The following HMGA2 variants were observed in gnomAD, a reference collection of about 807,000 sequenced individuals.
HMGA2 encodes high mobility group protein HMGI-C.
Under a neutral mutation model 19.1 loss-of-function variants are expected in HMGA2, and 8 were observed. That is an observed-to-expected ratio of 0.42 (90% CI 0.25 to 0.76). The LOEUF (loss-of-function observed/expected upper bound fraction) is 0.76. HMGA2 is among the 30% of genes least tolerant of loss of function. The pLI, the probability that HMGA2 is intolerant of heterozygous loss-of-function variation, is 0.28. For missense variants in HMGA2, 109 were observed against 136.3 expected (o/e 0.80, Z 1.00); for synonymous variants, 60 against 48.8 (o/e 1.23, Z -0.96).
At chr12:65,952,072 G>A (rs1395853125) in intron 4 of HMGA2, 3 of 316,112 alleles carry the variant, frequency 9.5e-6, no homozygotes, top group Non-Finnish European at 1.7e-5. Flanking sequence ...TATTTATTGA[G>A]GAAGCATATC....
At chr12:65,845,881 A>G (rs1871214765) in intron 3 of HMGA2, among the ~76,000 whole-genome samples, 2 of 152,188 alleles carry the variant, frequency 1.3e-5, no homozygotes, top group African/African-American at 4.8e-5. Flanking sequence ...CCAGGGACTG[A>G]TTATTGAGTT....
At chr12:65,852,908 G>A (rs1871547448) in intron 3 of HMGA2, among the ~76,000 whole-genome samples, 1 of 152,194 alleles carries the variant, frequency 6.6e-6, no homozygotes, top group African/African-American at 2.4e-5. Context: ...GAGGATTTTA[G>A]AATTCGTCTC....
chr12:65,918,001 T>A (rs1875170899), intron 3 of HMGA2, among the ~76,000 whole-genome samples: 1 of 152,196 alleles, frequency 6.6e-6, no homozygotes, highest in Admixed American at 6.5e-5. Context: ...TTTTGATAAG[T>A]CAAACTAAAA....
intron 3 of HMGA2, among the ~76,000 whole-genome samples, chr12:65,908,720 C>G (rs1874711754): frequency 6.6e-6 from 1 of 152,140 alleles, no homozygotes; most frequent in African/African-American, 2.4e-5. Flanking sequence ...TGTTTTTAAC[C>G]ATTGTAATTT....
chr12:65,904,155 T>C (rs1874487500), intron 3 of HMGA2, among the ~76,000 whole-genome samples: 1 of 152,228 alleles, frequency 6.6e-6, no homozygotes, highest in South Asian at 2.1e-4. Context: ...GCCAGGGACG[T>C]CTGACAGATC....
At chr12:65,898,092 T>C (rs1874211313) in intron 3 of HMGA2, among the ~76,000 whole-genome samples, 1 of 152,222 alleles carries the variant, frequency 6.6e-6, no homozygotes, top group Non-Finnish European at 1.5e-5. Context: ...TAAGTGTATG[T>C]ATTTTAATAT....
chr12:65,922,040 C>T (rs754076167), intron 3 of HMGA2, among the ~76,000 whole-genome samples: 5 of 152,182 alleles, frequency 3.3e-5, no homozygotes, highest in Non-Finnish European at 7.3e-5. Context: ...ACCTGGATGC[C>T]CAGGCAGAAG....
chr12:65,959,718 G>A (rs1011377841), intron 4 of HMGA2, among the ~76,000 whole-genome samples: 1 of 152,166 alleles, frequency 6.6e-6, no homozygotes. Context: ...CTAATGAGAT[G>A]TGTGCAACTC....
At chr12:65,907,727 TTTTC>T (rs1188851368) in intron 3 of HMGA2, among the ~76,000 whole-genome samples, 4 of 152,156 alleles carry the variant, frequency 2.6e-5, no homozygotes, top group Admixed American at 2.0e-4. Context: ...AGTGCTTAAT[TTTTC>T]AAGTAAGGAT....
At position 65,825,261 on chromosome 12, in the gene HMGA2, G is replaced by A. The variant is rs1433135489; in HGVS notation, c.-10G>A. 6.6e-7 allele frequency: 1 copy of A among 1,526,126 alleles called. No homozygotes were observed. Among genetic ancestry groups the A allele is most frequent in the Non-Finnish European group, 8.8e-7 (1 of 1,141,498 alleles). The allele number at this position is 1,526,126 out of a possible 1,614,324, so 94.5% of individuals were successfully genotyped here. ...CGGCTGCAGCGGCGGTAGCGGCGGC[G>A]GGAGGCAGGATGAGCGCACGCGGTG... On this transcript the variant is annotated 5_prime_UTR_variant, in exon 1 of 5. Coordinates refer to ENST00000403681, the MANE Select transcript of HMGA2 (RefSeq NM_003483.6). The surrounding 1 kb of genome is among the most constrained non-coding windows in gnomAD (Gnocchi z 4.4).
At position 65,948,061 on chromosome 12, in the gene HMGA2, G is replaced by A. The variant is rs563546690; in HGVS notation, c.250-3322G>A. 1.4e-4 allele frequency among the ~76,000 whole-genome samples: 22 copies of A among 152,080 alleles called. 1 individual carries two copies. Among genetic ancestry groups the A allele is most frequent in the Admixed American group, 1.3e-3 (20 of 15,280 alleles). ...AGGGATTAAGAGAATCAGTAGACTC[G>A]GGTTGTTTTGGTTTTAGAAAAAGAT... On this transcript the variant is annotated intron_variant, in intron 3 of 4. Transcript: ENST00000403681.
intron 3 of HMGA2, among the ~76,000 whole-genome samples, chr12:65,852,009 A>G (rs1185236505): frequency 6.6e-6 from 1 of 152,120 alleles, no homozygotes; most frequent in Non-Finnish European, 1.5e-5. Flanking sequence ...ATAAGAAAGT[A>G]ATTTGTACTT....
intron 3 of HMGA2, among the ~76,000 whole-genome samples, chr12:65,927,820 T>C (rs997151644): frequency 4.4e-5 from 6 of 137,164 alleles, no homozygotes; most frequent in African/African-American, 1.1e-4. Flanking sequence ...TGTCTCTCTC[T>C]CTCTTTGTAT....
At chr12:65,962,820 G>A (rs1177875509) in intron 4 of HMGA2, among the ~76,000 whole-genome samples, 2 of 152,048 alleles carry the variant, frequency 1.3e-5, no homozygotes, top group Non-Finnish European at 2.9e-5. Context: ...TCTGGAGGGT[G>A]GGTTCATTTA....
chr12:65,856,980 G>C (rs1871777818), intron 3 of HMGA2: 1 of 152,122 alleles, frequency 6.6e-6, no homozygotes, highest in African/African-American at 2.4e-5. Context: ...GGTGGGTTAG[G>C]GCTTCACTAT....
intron 2 of HMGA2, among the ~76,000 whole-genome samples, chr12:65,829,912 G>A (rs912981324): frequency 1.2e-4 from 18 of 151,824 alleles, no homozygotes; most frequent in African/African-American, 3.9e-4. Flanking sequence ...TCTAGTGACA[G>A]GCATTTGTAA....
At chr12:65,833,572 T>C (rs1265238135) in intron 2 of HMGA2, among the ~76,000 whole-genome samples, 2 of 152,158 alleles carry the variant, frequency 1.3e-5, no homozygotes, top group African/African-American at 2.4e-5. Flanking sequence ...TATTCTTAGT[T>C]TCCAACCTCT....
intron 3 of HMGA2, among the ~76,000 whole-genome samples, chr12:65,930,199 T>C (rs1007103699): frequency 6.6e-6 from 1 of 152,196 alleles, no homozygotes; most frequent in Non-Finnish European, 1.5e-5. Flanking sequence ...TAGGAAGTAA[T>C]CTATCTTCAA....
chr12:65,919,128 AT>A (rs1285449939), intron 3 of HMGA2, among the ~76,000 whole-genome samples: 3 of 152,222 alleles, frequency 2.0e-5, no homozygotes, highest in Admixed American at 6.5e-5. Context: ...TTTTACAGCC[AT>A]ATCCCTTTGG....
Sources: allele counts gnomAD v4.1 joint callset (sites outside exome capture counted in the v4.1 genomes callset), GRCh38; gene constraint gnomAD v4.1.1; non-coding constraint Gnocchi (gnomAD v3.1); transcripts MANE v1.5; gene names NCBI Gene and HGNC (gene_info 2026-07-23, HGNC 2026-07-21).